Variants in SOS1 observed in about 807,000 individuals in gnomAD.
The protein encoded by SOS1 is SOS Ras/Rac guanine nucleotide exchange factor 1.
In SOS1, 25 loss-of-function variants were observed where a neutral mutation model predicts 157.6. That is an observed-to-expected ratio of 0.16 (90% CI 0.12 to 0.22). The LOEUF is 0.22. Ranked by LOEUF, SOS1 falls within the 10% of genes least tolerant of loss-of-function variation. SOS1 has a pLI of 1.00. For synonymous variants in SOS1, 528 were observed against 534.0 expected (o/e 0.99, Z 0.16); for missense variants, 1,237 against 1,599.1 (o/e 0.77, Z 3.86).
In SOS1 at chr2:39,027,123, T is replaced by C. The variant is rs367682063; in HGVS notation, c.1075-2986A>G. Among the ~76,000 whole-genome samples the C allele has an allele frequency of 3.3e-5, 5 of 152,346 alleles. No homozygotes were observed. In the East Asian group the frequency reaches 7.7e-4, roughly 23 times the overall value. ...AGCAGAATATTGAGCATTTGATATT[T>C]TGTCCTGGATACATTTTTTATATTT... On this transcript the variant is annotated intron_variant, in intron 8 of 22. Coordinates refer to ENST00000402219, the MANE Select transcript of SOS1 (RefSeq NM_005633.4).
intron 8 of SOS1, among the ~76,000 whole-genome samples, chr2:39,028,359 G>A (rs1670041388): frequency 1.3e-5 from 2 of 152,094 alleles, no homozygotes; most frequent in African/African-American, 4.8e-5. Context: ...CAGTATTCAG[G>A]AGACTAAAAC....
rs1673610024 is a variant in SOS1, at chr2:39,115,404, CTCT to C, written c.87+4929_87+4931del. On this transcript the variant is annotated intron_variant, in intron 1 of 22. Coordinates refer to ENST00000402219, the MANE Select transcript of SOS1 (RefSeq NM_005633.4). ...GTCATTTGTATCAAATTTGTTCTCT[CTCT>C]TTTTTTTTTTTTTTTTTTTTTTTTT... 4.1e-5 allele frequency among the ~76,000 whole-genome samples: 4 copies of C among 97,502 alleles called. 1 individual carries two copies. Among genetic ancestry groups the C allele is most frequent in the Non-Finnish European group, 8.8e-5 (4 of 45,410 alleles). The allele number at this position is 97,502 out of a possible 152,430, so 64.0% of individuals were successfully genotyped here.
chr2:39,061,746 A>G (rs1374215451), intron 2 of SOS1, among the ~76,000 whole-genome samples: 1 of 152,210 alleles, frequency 6.6e-6, no homozygotes, highest in East Asian at 1.9e-4. Flanking sequence ...TTCATGAATT[A>G]GAATACTATT....
intron 20 of SOS1, chr2:38,993,036 G>A (rs1668780043): frequency 6.7e-6 from 1 of 149,052 alleles, no homozygotes. Context: ...AGAAGTTTGA[G>A]ATCAGCCTTG....
At chr2:39,097,271 T>G (rs766454936) in intron 1 of SOS1, among the ~76,000 whole-genome samples, 36 of 152,222 alleles carry the variant, frequency 2.4e-4, no homozygotes, top group Non-Finnish European at 4.7e-4. Flanking sequence ...AAATATGAGC[T>G]ATAAATTAAA....
intron 1 of SOS1, among the ~76,000 whole-genome samples, chr2:39,103,382 C>T (rs1673046312): frequency 6.6e-6 from 1 of 152,238 alleles, no homozygotes; most frequent in Admixed American, 6.5e-5. Flanking sequence ...GGAACACTCA[C>T]ACTTTCTGAC....
chr2:39,112,579 G>A (rs1673480672), intron 1 of SOS1, among the ~76,000 whole-genome samples: 1 of 152,172 alleles, frequency 6.6e-6, no homozygotes. Flanking sequence ...TGGAATTGCA[G>A]GCATGAGCCA....
intron 6 of SOS1, among the ~76,000 whole-genome samples, chr2:39,038,610 T>G (rs1670439532): frequency 1.3e-5 from 2 of 151,170 alleles, no homozygotes; most frequent in Admixed American, 6.6e-5. Context: ...GGCACACACC[T>G]GTAGTCCTAG....
In SOS1 at chr2:38,989,403, TATTGTC is replaced by T. The variant is rs550924062; in HGVS notation, c.3347-95_3347-90del. On this transcript the variant is annotated intron_variant, in intron 20 of 22. Coordinates refer to ENST00000402219, the MANE Select transcript of SOS1 (RefSeq NM_005633.4). ...AAAATTTGTATTATGATGAAAATGT[TATTGTC>T]ATTGTCGTTTTAAAGAATGCTGTAA... 7.4e-4 allele frequency: 608 copies of T among 817,276 alleles called. 7 individuals carry two copies. The African/African-American group carries it at 9.0e-3, about 12-fold the overall frequency. The allele number at this position is 817,276 out of a possible 1,614,324, so 50.6% of individuals were successfully genotyped here.
intron 1 of SOS1, among the ~76,000 whole-genome samples, chr2:39,082,083 AAATGTACAATTAAATTATTACTG>A (rs943293439): frequency 1.3e-5 from 2 of 152,172 alleles, no homozygotes; most frequent in African/African-American, 4.8e-5. Flanking sequence ...AGTTATTTAA[AAATGTACAATTAAATTATTACTG>A]ACTAGTCACC....
At chr2:39,117,320 C>T (rs1673690627) in intron 1 of SOS1, among the ~76,000 whole-genome samples, 1 of 152,164 alleles carries the variant, frequency 6.6e-6, no homozygotes, top group Non-Finnish European at 1.5e-5. Context: ...AGCCACTGCG[C>T]CCGGCCCTGT....
rs555910723 is a variant in SOS1, at chr2:39,069,284, G to A, written c.88-1531C>T. On this transcript the variant is annotated intron_variant, in intron 1 of 22. Coordinates refer to ENST00000402219, the MANE Select transcript of SOS1 (RefSeq NM_005633.4). ...CACCTACTCCAGAGGCTGAGGTGACGTGGAAGGATCGCTTAAACCCAGGAT... is the reference window on the plus strand; with the variant it reads ...CACCTACTCCAGAGGCTGAGGTGACATGGAAGGATCGCTTAAACCCAGGAT... Among the ~76,000 whole-genome samples, 15 of 148,290 alleles carry A rather than the reference G, an allele frequency of 1.0e-4. No homozygotes were observed. In the South Asian group the frequency reaches 1.9e-3, roughly 19 times the overall value.
At chr2:39,019,708 T>C (rs1336885220) in intron 10 of SOS1, among the ~76,000 whole-genome samples, 1 of 151,598 alleles carries the variant, frequency 6.6e-6, no homozygotes, top group Non-Finnish European at 1.5e-5. Flanking sequence ...GCAAACTACA[T>C]CAATAGACTA....
At chr2:39,080,437 T>C (rs1672162380) in intron 1 of SOS1, among the ~76,000 whole-genome samples, 1 of 152,208 alleles carries the variant, frequency 6.6e-6, no homozygotes, top group Non-Finnish European at 1.5e-5. Flanking sequence ...CATGGACCAG[T>C]ATCAGTCTGT....
At chr2:39,086,575 G>C (rs1282455714) in intron 1 of SOS1, among the ~76,000 whole-genome samples, 3 of 152,146 alleles carry the variant, frequency 2.0e-5, no homozygotes, top group Admixed American at 2.0e-4. Flanking sequence ...ATAAGAAGTG[G>C]TTAGATATTA....
intron 15 of SOS1, 36 bp downstream of exon 15, chr2:39,010,548 A>T: frequency 3.8e-6 from 6 of 1,574,396 alleles, no homozygotes; most frequent in Non-Finnish European, 5.2e-6. Context: ...AACATAGCTG[A>T]CAGCTATAAA....
intron 6 of SOS1, among the ~76,000 whole-genome samples, chr2:39,041,279 G>T (rs1030031401): frequency 3.3e-5 from 5 of 152,076 alleles, no homozygotes; most frequent in African/African-American, 4.8e-5. Context: ...CTTCATAGAG[G>T]TTTTGATTTG....
intron 17 of SOS1, among the ~76,000 whole-genome samples, chr2:38,998,024 C>A (rs1668956676): frequency 6.6e-6 from 1 of 152,142 alleles, no homozygotes; most frequent in Admixed American, 6.5e-5. Context: ...TTTTGCAAGC[C>A]TGTCAAATGT....
intron 1 of SOS1, among the ~76,000 whole-genome samples, chr2:39,076,969 C>T (rs757488683): frequency 5.3e-5 from 8 of 152,000 alleles, no homozygotes; most frequent in Non-Finnish European, 1.0e-4. Flanking sequence ...AAGCAACAAA[C>T]AGAAAATATA....
Sources: allele counts gnomAD v4.1 joint callset (sites outside exome capture counted in the v4.1 genomes callset), GRCh38; gene constraint gnomAD v4.1.1; transcripts MANE v1.5; gene names NCBI Gene and HGNC (gene_info 2026-07-23, HGNC 2026-07-21).